The following PPP1R18 variants were observed in gnomAD, a reference collection of about 807,000 sequenced individuals.
PPP1R18 encodes protein phosphatase 1 regulatory subunit 18.
In PPP1R18, 31 loss-of-function variants were observed where a neutral mutation model predicts 54.8. The observed-to-expected ratio is 0.57, with a 90% CI of 0.43 to 0.76. The LOEUF is 0.76. Among genes scored for constraint, PPP1R18 ranks in the 30% least tolerant of loss-of-function variants. PPP1R18 has a pLI of 0.00. For synonymous variants in PPP1R18, 310 were observed against 320.2 expected (o/e 0.97, Z 0.34); for missense variants, 685 against 776.1 (o/e 0.88, Z 1.39).
intron 2 of PPP1R18, 90 bp downstream of exon 2, chr6:30,679,089 C>T (rs1393982740): frequency 9.2e-6 from 10 of 1,091,766 alleles, no homozygotes; most frequent in Non-Finnish European, 1.3e-5. Context: ...CTTCCGAGTG[C>T]CTACATGTAA....
At chr6:30,678,962 C>T (rs1344509508) in intron 2 of PPP1R18, among the ~76,000 whole-genome samples, 1 of 152,208 alleles carries the variant, frequency 6.6e-6, no homozygotes, top group Non-Finnish European at 1.5e-5. Context: ...CAGATTACAG[C>T]ACTCAGGAAG....
rs551846848 is a variant in PPP1R18, at chr6:30,680,956, G to A, written c.1612-1567C>T. The stretch of plus-strand genomic sequence containing the variant: ...AAAAATTAGCTGGGCATGGTGGCGT[G>A]CACCTGTAGTCCCAGCTACTCGAGA... On this transcript the variant is annotated intron_variant, in intron 1 of 2. Coordinates refer to ENST00000274853, the MANE Select transcript of PPP1R18 (RefSeq NM_133471.4). Among the ~76,000 whole-genome samples the A allele has an allele frequency of 1.5e-3, 224 of 152,072 alleles. 2 individuals are homozygous for A. The highest frequency in any genetic ancestry group is 5.8e-3 in the Admixed American group (89 of 15,258).
Position 30,685,032 on chromosome 6 carries a change from T to A in PPP1R18, c.987A>T (p.Thr329=). 6.2e-7 allele frequency: 1 copy of A among 1,613,228 alleles called. No individual in the cohort carries two copies. Among genetic ancestry groups the A allele is most frequent in the Non-Finnish European group, 8.5e-7 (1 of 1,179,968 alleles). The change falls in exon 1 of 3, where the codon ACA becomes ACT. Residue 329 remains threonine, a synonymous_variant. Coordinates refer to ENST00000274853, the MANE Select transcript of PPP1R18 (RefSeq NM_133471.4). The surrounding 1 kb of genome is among the most constrained non-coding windows in gnomAD (Gnocchi z 5.0). The part of the protein sequence containing the change: ...VEDGERGMKP[T]EGWKWTLNSG... ...AGTTCAGGGTCCATTTCCACCCTTC[T>A]GTTGGCTTCATGCCCCTCTCGCCAT... is the stretch of plus-strand genomic sequence containing the variant.
In PPP1R18 at chr6:30,685,405, C is replaced by T. The variant is rs777001912; in HGVS notation, c.614G>A (p.Arg205Lys). 2 of 1,613,076 alleles carry T rather than the reference C, an allele frequency of 1.2e-6. No individual in the cohort carries two copies. The highest frequency in any genetic ancestry group is 1.6e-4 in the Middle Eastern group (1 of 6,062). Residue 205 changes from arginine (R) to lysine (K), a missense_variant, in exon 1 of 3, where the codon AGA becomes AAA. Arg to Lys is a conservative substitution (Grantham distance 26, BLOSUM62 2). Coordinates refer to ENST00000274853, the MANE Select transcript of PPP1R18 (RefSeq NM_133471.4). This position sits in a 1 kb window ranked among gnomAD's most constrained non-coding sequence, Gnocchi z 5.0. ...SPGETPERSL[R>K]LAESREQSPR... ...GCTTTGCTCTCGAGACTCTGCTAGT[C>T]TCAGACTCCGCTCTGGAGTTTCTCC...
Position 30,686,097 on chromosome 6 carries a change from G to T in PPP1R18, c.-79C>A. On this transcript the variant is annotated 5_prime_UTR_variant, in exon 1 of 3. Transcript: ENST00000274853. ...GGCTCCAGAGAGTGAGACAGCCCGGGGGTGAGACTGAGGGTGGGAGGAGAG... is the reference window on the plus strand; with the variant it reads ...GGCTCCAGAGAGTGAGACAGCCCGGTGGTGAGACTGAGGGTGGGAGGAGAG... 1 of 1,422,304 alleles carries T rather than the reference G, an allele frequency of 7.0e-7. No homozygotes were observed. The highest frequency in any genetic ancestry group is 9.4e-7 in the Non-Finnish European group (1 of 1,062,648). The allele number at this position is 1,422,304 out of a possible 1,614,324, so 88.1% of individuals were successfully genotyped here. A position where few individuals can be genotyped will look rare whatever the true frequency, so the allele number is the denominator to read the frequency against.
At position 30,685,746 on chromosome 6, in the gene PPP1R18, G is replaced by A; in HGVS notation, c.273C>T (p.Ile91=). The change falls in exon 1 of 3, where the codon ATC becomes ATT. Residue 91 remains isoleucine (I), a synonymous_variant. Coordinates refer to ENST00000274853, the MANE Select transcript of PPP1R18 (RefSeq NM_133471.4). The surrounding 1 kb of genome is among the most constrained non-coding windows in gnomAD (Gnocchi z 5.0). ...AIGPVHQNRF[I]RQERQQQQQQ... ...GCTGCTGCTGCTGCCGCTCCTGCCGGATGAATCGGTTCTGGTGCACTGGCC... is the reference window on the plus strand; with the variant it reads ...GCTGCTGCTGCTGCCGCTCCTGCCGAATGAATCGGTTCTGGTGCACTGGCC... 6.2e-7 allele frequency: 1 copy of A among 1,613,018 alleles called. No homozygotes were observed. Among genetic ancestry groups the A allele is most frequent in the Non-Finnish European group, 8.5e-7 (1 of 1,179,984 alleles).
Position 30,684,715 on chromosome 6 carries a change from G to T in PPP1R18, c.1304C>A (p.Pro435His). 6.7e-7 allele frequency: 1 copy of T among 1,492,348 alleles called. No homozygotes were observed. 92.4% of individuals were successfully genotyped at this position (1,492,348 alleles called of 1,614,324 possible). ...PPPPAPLSPP[P>H]PAPTAPQPPG... ...AGGTTGGGGGGCAGTTGGGGCTGGG[G>T]GTGGGGGAGACAGAGGGGCTGGTGG... Residue 435 changes from proline (P) to histidine (H), a missense_variant, in exon 1 of 3, where the codon CCC becomes CAC. Pro to His is a moderately conservative substitution (Grantham distance 77). Transcript: ENST00000274853. This position sits in a 1 kb window ranked among gnomAD's most constrained non-coding sequence, Gnocchi z 6.0.
chr6:30,679,114 T>G lies in PPP1R18; in HGVS notation c.1822+65A>C, dbSNP rs748409409. 4 of 1,432,158 alleles carry G rather than the reference T, an allele frequency of 2.8e-6. No individual in the cohort carries two copies. In the Admixed American group the frequency reaches 7.1e-5, roughly 26 times the overall value. 88.7% of individuals were successfully genotyped at this position (1,432,158 alleles called of 1,614,324 possible). A position where few individuals can be genotyped will look rare whatever the true frequency, so the allele number is the denominator to read the frequency against. On this transcript the variant is annotated intron_variant, in intron 2 of 2. Transcript: ENST00000274853. ...CCTACATGTAATCCTCCCTCCTCTC[T>G]CCTGGACCACAGCGCCCGCTCTGAC...
At position 30,686,094 on chromosome 6, in the gene PPP1R18, C is replaced by CG; in HGVS notation, c.-77dup. 1 of 1,436,134 alleles carries CG rather than the reference C, an allele frequency of 7.0e-7. No individual in the cohort carries two copies. The highest frequency in any genetic ancestry group is 1.4e-5 in the South Asian group (1 of 73,778). The allele number at this position is 1,436,134 out of a possible 1,614,324, so 89.0% of individuals were successfully genotyped here. A position where few individuals can be genotyped will look rare whatever the true frequency, so the allele number is the denominator to read the frequency against. On this transcript the variant is annotated 5_prime_UTR_variant, in exon 1 of 3. Coordinates refer to ENST00000274853, the MANE Select transcript of PPP1R18 (RefSeq NM_133471.4). ...AGAGGCTCCAGAGAGTGAGACAGCCCGGGGGTGAGACTGAGGGTGGGAGGA... is the reference window on the plus strand; with the variant it reads ...AGAGGCTCCAGAGAGTGAGACAGCCCGGGGGGTGAGACTGAGGGTGGGAGGA...
In PPP1R18 at chr6:30,684,903, C is replaced by T; in HGVS notation, c.1116G>A (p.Glu372=). Residue 372 remains glutamate (E), a synonymous_variant, in exon 1 of 3, where the codon GAG becomes GAA. Coordinates refer to ENST00000274853, the MANE Select transcript of PPP1R18 (RefSeq NM_133471.4). The surrounding 1 kb of genome is among the most constrained non-coding windows in gnomAD (Gnocchi z 6.0). ...AEKLLESPGV[E]AGEGEAEKEE... ...CCTTCTCAGCCTCCCCTTCTCCAGC[C>T]TCCACACCGGGAGATTCCAGAAGCT... The T allele has an allele frequency of 6.2e-7, 1 of 1,613,016 alleles. No individual in the cohort carries two copies. Among genetic ancestry groups the T allele is most frequent in the Admixed American group, 1.7e-5 (1 of 60,034 alleles).
Position 30,685,940 on chromosome 6 carries a change from T to C in PPP1R18, c.79A>G (p.Lys27Glu), listed in dbSNP as rs1386187970. 2.5e-6 allele frequency: 4 copies of C among 1,607,196 alleles called. No individual in the cohort carries two copies. The highest frequency in any genetic ancestry group is 1.7e-6 in the Non-Finnish European group (2 of 1,179,842). ...TGGGACAGGCGCTCCCGTTCTGCTT[T>C]CTCTCGGCCTCGAACGGACGCCTCC... is the stretch of plus-strand genomic sequence containing the variant. Reference protein sequence around the residue: ...QEEASVRGREKAERERLSQMP... With the variant: ...QEEASVRGREEAERERLSQMP... The change falls in exon 1 of 3, where the codon AAA becomes GAA. Residue 27 changes from lysine to glutamate, a missense_variant. Transcript: ENST00000274853. The surrounding 1 kb of genome is among the most constrained non-coding windows in gnomAD (Gnocchi z 5.0).
intron 1 of PPP1R18, among the ~76,000 whole-genome samples, chr6:30,680,066 C>G (rs1303403034): frequency 5.3e-5 from 8 of 152,056 alleles, no homozygotes; most frequent in Non-Finnish European, 1.0e-4. Flanking sequence ...CAGCAACACA[C>G]AGGGGAAAGA....
chr6:30,684,519 C>T lies in PPP1R18; in HGVS notation c.1500G>A (p.Gly500=). ...SPATVDAAVP[G]AGKKRYPTAE... ...CAGTTGGGTACCGCTTCTTCCCAGCCCCCGGGACTGCAGCATCAACTGTGG... is the reference window on the plus strand; with the variant it reads ...CAGTTGGGTACCGCTTCTTCCCAGCTCCCGGGACTGCAGCATCAACTGTGG... The change falls in exon 1 of 3, where the codon GGG becomes GGA. Residue 500 remains glycine, a synonymous_variant. Coordinates refer to ENST00000274853, the MANE Select transcript of PPP1R18 (RefSeq NM_133471.4). This position sits in a 1 kb window ranked among gnomAD's most constrained non-coding sequence, Gnocchi z 6.0. 6.2e-7 allele frequency: 1 copy of T among 1,612,742 alleles called. No individual in the cohort carries two copies. The highest frequency in any genetic ancestry group is 1.3e-5 in the African/African-American group (1 of 75,044).
chr6:30,676,795 G>A lies in PPP1R18; in HGVS notation c.*474C>T. ...ATTTGTAAACCAGGCTGTGGTCAAG[G>A]GAGGAGGCAGGAGCTGTAAACAAAG... On this transcript the variant is annotated 3_prime_UTR_variant, in exon 3 of 3. Transcript: ENST00000274853. The A allele has an allele frequency of 3.9e-6, 1 of 258,244 alleles. No homozygotes were observed. The highest frequency in any genetic ancestry group is 7.5e-6 in the Non-Finnish European group (1 of 132,624). 16.0% of individuals were successfully genotyped at this position (258,244 alleles called of 1,614,324 possible). A position where few individuals can be genotyped will look rare whatever the true frequency, so the allele number is the denominator to read the frequency against.
chr6:30,684,686 C>T lies in PPP1R18; in HGVS notation c.1333G>A (p.Gly445Arg). Residue 445 changes from glycine (G) to arginine (R), a missense_variant, in exon 1 of 3, where the codon GGG (glycine) becomes AGG (arginine). By Grantham distance (125) the Gly-to-Arg change is moderately radical. Coordinates refer to ENST00000274853, the MANE Select transcript of PPP1R18 (RefSeq NM_133471.4). This position sits in a 1 kb window ranked among gnomAD's most constrained non-coding sequence, Gnocchi z 6.0. ...PPAPTAPQPP[G>R]DPLMSRLFYG... ...AACAGGCGGCTCATGAGGGGATCCC[C>T]AGGAGGTTGGGGGGCAGTTGGGGCT... 1 of 1,486,000 alleles carries T rather than the reference C, an allele frequency of 6.7e-7. No homozygotes were observed. Among genetic ancestry groups the T allele is most frequent in the Non-Finnish European group, 9.0e-7 (1 of 1,115,442 alleles). The allele number at this position is 1,486,000 out of a possible 1,614,324, so 92.1% of individuals were successfully genotyped here. A position where few individuals can be genotyped will look rare whatever the true frequency, so the allele number is the denominator to read the frequency against.
chr6:30,677,893 C>G (rs1454488937), intron 2 of PPP1R18, among the ~76,000 whole-genome samples: 1 of 151,858 alleles, frequency 6.6e-6, no homozygotes, highest in African/African-American at 2.4e-5. Context: ...ATATTTTCTA[C>G]AAGTCTAGGA....
Position 30,677,111 on chromosome 6 carries a change from C to T in PPP1R18, c.*158G>A. 1 of 767,986 alleles carries T rather than the reference C, an allele frequency of 1.3e-6. No individual in the cohort carries two copies. The highest frequency in any genetic ancestry group is 2.3e-6 in the Non-Finnish European group (1 of 427,192). The allele number at this position is 767,986 out of a possible 1,614,324, so 47.6% of individuals were successfully genotyped here. The stretch of plus-strand genomic sequence containing the variant: ...ATTAGGGTAGAAATTGGGCAATTGG[C>T]TCTGCCCCCAGAAACAGGGTGGGGA... On this transcript the variant is annotated 3_prime_UTR_variant, in exon 3 of 3. Coordinates refer to ENST00000274853, the MANE Select transcript of PPP1R18 (RefSeq NM_133471.4).
chr6:30,685,366 T>G lies in PPP1R18; in HGVS notation c.653A>C (p.Glu218Ala). ...ESREQSPRRK[E>A]VESRLSPGES... ...CCCTGGGCTCAGTCTACTTTCCACC[T>G]CTTTTCTCCTGGGGCTTTGCTCTCG... is the stretch of plus-strand genomic sequence containing the variant. The change falls in exon 1 of 3, where the codon GAG becomes GCG. Residue 218 changes from glutamate to alanine, a missense_variant. Glu to Ala is a moderately radical substitution (Grantham distance 107). Transcript: ENST00000274853. The surrounding 1 kb of genome is among the most constrained non-coding windows in gnomAD (Gnocchi z 5.0). 1.2e-6 allele frequency: 2 copies of G among 1,613,046 alleles called. No homozygotes were observed. The highest frequency in any genetic ancestry group is 1.7e-6 in the Non-Finnish European group (2 of 1,180,014).
upstream of PPP1R18, chr6:30,688,258 C>T: frequency 4.6e-6 from 1 of 216,660 alleles, no homozygotes; most frequent in South Asian, 7.6e-5. The surrounding 1 kb of genome is among the most constrained non-coding windows in gnomAD (Gnocchi z 5.9). Flanking sequence ...GTTGAACTTG[C>T]AGACCCTGGT....
Sources: allele counts gnomAD v4.1 joint callset (sites outside exome capture counted in the v4.1 genomes callset), GRCh38; gene constraint gnomAD v4.1.1; non-coding constraint Gnocchi (gnomAD v3.1); transcripts MANE v1.5; gene names NCBI Gene and HGNC (gene_info 2026-07-23, HGNC 2026-07-21).